Variants in MCU observed in about 807,000 individuals in gnomAD.
MCU encodes the protein mitochondrial calcium uniporter.
A neutral mutation model predicts 45.2 loss-of-function variants in MCU; 12 were observed. That is an observed-to-expected ratio of 0.27 (90% CI 0.17 to 0.43). MCU has a LOEUF of 0.43. Among genes scored for constraint, MCU ranks in the 20% least tolerant of loss-of-function variants. The pLI is 1.00. For synonymous variants in MCU, 160 were observed against 165.1 expected (o/e 0.97, Z 0.24); for missense variants, 324 against 436.7 (o/e 0.74, Z 2.30).
chr10:72,840,229 A>G (rs1845028192), intron 2 of MCU, among the ~76,000 whole-genome samples: 2 of 152,168 alleles, frequency 1.3e-5, no homozygotes, highest in South Asian at 4.1e-4. Context: ...TAGACACTCT[A>G]ATGGATGTGT....
At chr10:72,723,921 T>C (rs900429499) in intron 1 of MCU, among the ~76,000 whole-genome samples, 17 of 152,206 alleles carry the variant, frequency 1.1e-4, no homozygotes, top group African/African-American at 4.1e-4. Flanking sequence ...TCAGAACATC[T>C]TTAAAAGTCC....
intron 4 of MCU, among the ~76,000 whole-genome samples, chr10:72,867,576 G>A (rs1845476041): frequency 1.3e-5 from 2 of 152,196 alleles, no homozygotes; most frequent in Admixed American, 6.5e-5. Flanking sequence ...AGAATGGGCC[G>A]GGTGCGGTGG....
intron 1 of MCU, among the ~76,000 whole-genome samples, chr10:72,783,534 A>G (rs1161959728): frequency 2.0e-5 from 3 of 152,034 alleles, no homozygotes; most frequent in African/African-American, 4.8e-5. Context: ...CTCTCTTCCT[A>G]GGAGAGTTTA....
intron 1 of MCU, among the ~76,000 whole-genome samples, chr10:72,741,098 CTTTTT>C (rs11310286): frequency 2.4e-5 from 3 of 124,678 alleles, no homozygotes; most frequent in Non-Finnish European, 3.5e-5. Context: ...TTTTCTTTTT[CTTTTT>C]TTTTTTTTTT....
chr10:72,857,250 T>C (rs200394075), intron 2 of MCU, among the ~76,000 whole-genome samples: 4 of 144,836 alleles, frequency 2.8e-5, no homozygotes, highest in Non-Finnish European at 5.9e-5. Context: ...AACCCCCCCC[T>C]TTTTTTTTCA....
At chr10:72,760,250 T>C (rs935256574) in intron 1 of MCU, among the ~76,000 whole-genome samples, 4 of 152,084 alleles carry the variant, frequency 2.6e-5, no homozygotes, top group Non-Finnish European at 5.9e-5. Context: ...AATGTCTCAC[T>C]ATATTGCTCA....
intron 1 of MCU, chr10:72,730,954 ATTG>A (rs1348456293): frequency 5.9e-5 from 9 of 152,162 alleles, no homozygotes; most frequent in Non-Finnish European, 1.3e-4. Flanking sequence ...TTTTTAAAAA[ATTG>A]TTGTTATTTT....
chr10:72,765,279 T>C (rs1226699785), intron 1 of MCU, among the ~76,000 whole-genome samples: 2 of 152,104 alleles, frequency 1.3e-5, no homozygotes, highest in East Asian at 3.8e-4. Context: ...TGTTGCAAAA[T>C]CTATAAATGG....
At chr10:72,883,917 T>G (rs963415761) in intron 6 of MCU, among the ~76,000 whole-genome samples, 3 of 151,890 alleles carry the variant, frequency 2.0e-5, no homozygotes, top group African/African-American at 7.3e-5. Flanking sequence ...ATAAAGAAAA[T>G]AAGAAAACAA....
intron 1 of MCU, among the ~76,000 whole-genome samples, chr10:72,729,581 T>C (rs1843144020): frequency 6.6e-6 from 1 of 152,218 alleles, no homozygotes; most frequent in Non-Finnish European, 1.5e-5. Context: ...ACCACTCTGA[T>C]TAAAGTGGTT....
intron 1 of MCU, among the ~76,000 whole-genome samples, chr10:72,723,357 C>T (rs896187409): frequency 1.3e-5 from 2 of 151,918 alleles, no homozygotes; most frequent in African/African-American, 4.8e-5. Context: ...TATTCAGAAT[C>T]ATTCATTTTT....
chr10:72,700,826 T>C (rs753144452), intron 1 of MCU, among the ~76,000 whole-genome samples: 7 of 152,336 alleles, frequency 4.6e-5, no homozygotes, highest in Middle Eastern at 3.4e-3. Flanking sequence ...ATTTTTATGC[T>C]TTGTTCCTGA....
chr10:72,879,285 A>G (rs1265588802), intron 6 of MCU, among the ~76,000 whole-genome samples: 1 of 152,150 alleles, frequency 6.6e-6, no homozygotes, highest in African/African-American at 2.4e-5. Flanking sequence ...TAAAAAAGGA[A>G]ATTTCCATTG....
chr10:72,730,546 C>A (rs1263257688), intron 1 of MCU: 1 of 152,222 alleles, frequency 6.6e-6, no homozygotes, highest in African/African-American at 2.4e-5. Flanking sequence ...ACCTCGGCCT[C>A]CCAAAGTGCT....
chr10:72,760,716 C>CTT lies in MCU; in HGVS notation c.150+68431_150+68432dup, dbSNP rs965659813. On this transcript the variant is annotated intron_variant, in intron 1 of 7. Coordinates refer to ENST00000373053, the MANE Select transcript of MCU (RefSeq NM_138357.3). ...GGTTACTTAAATTTTTTTTTTCTTT[C>CTT]TTTTTTTTTTTTTTTTTGCAGAGAC... The CTT allele has an allele frequency of 3.6e-4, 48 of 134,998 alleles. 1 individual carries two copies. Among genetic ancestry groups the CTT allele is most frequent in the African/African-American group, 6.0e-4 (21 of 35,064 alleles). The allele number at this position is 134,998 out of a possible 1,614,324, so 8.4% of individuals were successfully genotyped here.
At chr10:72,746,528 C>T (rs186010284) in intron 1 of MCU, among the ~76,000 whole-genome samples, 1 of 152,270 alleles carries the variant, frequency 6.6e-6, no homozygotes, top group East Asian at 1.9e-4. Flanking sequence ...GAACAGTATC[C>T]TAAGCAGCAA....
chr10:72,854,304 A>G (rs1161876963), intron 2 of MCU, among the ~76,000 whole-genome samples: 2 of 152,190 alleles, frequency 1.3e-5, no homozygotes, highest in Non-Finnish European at 1.5e-5. Context: ...TTAAAAAGTA[A>G]AAGTTTTAAA....
chr10:72,710,183 G>A (rs1384328454), intron 1 of MCU, among the ~76,000 whole-genome samples: 3 of 151,998 alleles, frequency 2.0e-5, no homozygotes, highest in East Asian at 1.9e-4. Context: ...TCACCATGTT[G>A]GCCAGGATGG....
intron 1 of MCU, among the ~76,000 whole-genome samples, chr10:72,816,809 A>T (rs1051284674): frequency 6.6e-6 from 1 of 152,194 alleles, no homozygotes; most frequent in Non-Finnish European, 1.5e-5. Flanking sequence ...ACAGACCTTC[A>T]TTACAAAAGA....
Sources: allele counts gnomAD v4.1 joint callset (sites outside exome capture counted in the v4.1 genomes callset), GRCh38; gene constraint gnomAD v4.1.1; transcripts MANE v1.5; gene names NCBI Gene and HGNC (gene_info 2026-07-23, HGNC 2026-07-21).